Variants in KIAA1217 observed in about 807,000 individuals in gnomAD.
KIAA1217 encodes sickle tail protein homolog.
In KIAA1217, 88 loss-of-function variants were observed where a neutral mutation model predicts 163.9. The observed-to-expected ratio is 0.54, with a 90% CI of 0.45 to 0.64. The LOEUF (loss-of-function observed/expected upper bound fraction) is 0.64. KIAA1217 is among the 30% of genes least tolerant of loss of function. KIAA1217 has a pLI of 0.00. For synonymous variants in KIAA1217, 903 were observed against 923.1 expected, an observed-to-expected ratio of 0.98 and a Z score of 0.39; for missense variants, 2,372 against 2,475.0, an observed-to-expected ratio of 0.96 and a Z score of 0.88.
chr10:23,962,609 T>C (rs1268326112), intron 1 of KIAA1217, among the ~76,000 whole-genome samples: 1 of 152,164 alleles, frequency 6.6e-6, no homozygotes, highest in Non-Finnish European at 1.5e-5. Context: ...CTTAGAAAAC[T>C]AGTGACAGAT....
chr10:24,134,239 A>G (rs143565109), intron 2 of KIAA1217, among the ~76,000 whole-genome samples: 7 of 152,290 alleles, frequency 4.6e-5, no homozygotes, highest in African/African-American at 1.2e-4. Context: ...GAGGTGGCTG[A>G]TGGTGCATTG....
rs538856229 is a variant in KIAA1217, at chr10:24,260,969, T to C, written c.354+41060T>C. 1.2e-3 allele frequency among the ~76,000 whole-genome samples: 185 copies of C among 152,306 alleles called. 1 individual carries two copies. Among genetic ancestry groups the C allele is most frequent in the South Asian group, 3.3e-3 (16 of 4,830 alleles). On this transcript the variant is annotated intron_variant, in intron 2 of 20. Coordinates refer to ENST00000376454, the MANE Select transcript of KIAA1217 (RefSeq NM_019590.5). ...TGACATAATAATGGGTTCACAGTAT[T>C]GGAAGGGGGAGGACAAAATGCCTGT...
chr10:23,953,347 C>T (rs984450628), intron 1 of KIAA1217, among the ~76,000 whole-genome samples: 39 of 152,164 alleles, frequency 2.6e-4, no homozygotes, highest in African/African-American at 9.2e-4. Context: ...CTCAGGAATC[C>T]AGGGTCCTTT....
chr10:23,747,324 A>G (rs553447780), intron 1 of KIAA1217, among the ~76,000 whole-genome samples: 78 of 152,302 alleles, frequency 5.1e-4, no homozygotes, highest in African/African-American at 1.7e-3. Flanking sequence ...CAGACTTTGG[A>G]TGAAGATGGA....
chr10:24,025,745 T>A (rs895747982), intron 2 of KIAA1217, among the ~76,000 whole-genome samples: 30 of 151,960 alleles, frequency 2.0e-4, no homozygotes, highest in South Asian at 4.1e-4. Flanking sequence ...TAAACTTATC[T>A]CTAAGTATTT....
intron 2 of KIAA1217, among the ~76,000 whole-genome samples, chr10:24,114,643 G>A (rs542522155): frequency 6.6e-6 from 1 of 152,162 alleles, no homozygotes; most frequent in South Asian, 2.1e-4. Flanking sequence ...ATTAACAAGT[G>A]AACATTCTCA....
intron 2 of KIAA1217, among the ~76,000 whole-genome samples, chr10:24,048,458 C>T (rs1849209390): frequency 6.6e-6 from 1 of 152,158 alleles, no homozygotes; most frequent in African/African-American, 2.4e-5. Flanking sequence ...AGGTTGGGCA[C>T]GGTGGCTCAC....
intron 2 of KIAA1217, among the ~76,000 whole-genome samples, chr10:24,072,243 G>A (rs747813449): frequency 2.0e-5 from 3 of 151,864 alleles, no homozygotes; most frequent in Non-Finnish European, 2.9e-5. Flanking sequence ...GCCCAGGCTA[G>A]CCCCAAACTC....
chr10:24,527,448 G>A (rs1340315347), intron 13 of KIAA1217, among the ~76,000 whole-genome samples: 2 of 149,328 alleles, frequency 1.3e-5, no homozygotes, highest in Non-Finnish European at 3.0e-5. Context: ...GATTCCTTGA[G>A]GCAGGTTGTT....
chr10:23,922,276 A>C (rs1479924456), intron 1 of KIAA1217, among the ~76,000 whole-genome samples: 1 of 152,204 alleles, frequency 6.6e-6, no homozygotes, highest in Non-Finnish European at 1.5e-5. Flanking sequence ...AAATCTCTGC[A>C]CCAGCTCTCA....
chr10:24,542,790 G>A lies in KIAA1217; in HGVS notation c.3612+20G>A. 1 of 1,613,178 alleles carries A rather than the reference G, an allele frequency of 6.2e-7. No homozygotes were observed. Among genetic ancestry groups the A allele is most frequent in the Non-Finnish European group, 8.5e-7 (1 of 1,179,212 alleles). Reference sequence around the variant, plus strand: ...CAAAAGGTGAGTTCACCAGATCTGGGTTCCGACCAATACCATGCACATTAA... The same window carrying A: ...CAAAAGGTGAGTTCACCAGATCTGGATTCCGACCAATACCATGCACATTAA... On this transcript the variant is annotated intron_variant, in intron 18 of 20. Coordinates refer to ENST00000376454, the MANE Select transcript of KIAA1217 (RefSeq NM_019590.5).
intron 1 of KIAA1217, among the ~76,000 whole-genome samples, chr10:23,732,859 T>A (rs1455693923): frequency 1.3e-5 from 2 of 152,160 alleles, no homozygotes; most frequent in Non-Finnish European, 2.9e-5. Flanking sequence ...AAACAAGAAC[T>A]TTAACATTGC....
chr10:24,293,941 C>T (rs1162905639), intron 2 of KIAA1217, among the ~76,000 whole-genome samples: 2 of 152,158 alleles, frequency 1.3e-5, no homozygotes, highest in African/African-American at 4.8e-5. Flanking sequence ...CGCCTGGAAT[C>T]CCAGCACTTT....
intron 1 of KIAA1217, among the ~76,000 whole-genome samples, chr10:23,940,460 CAAA>C (rs760090400): frequency 2.2e-5 from 1 of 46,028 alleles, no homozygotes; most frequent in Non-Finnish European, 4.8e-5. Context: ...GACTCCGTCT[CAAA>C]AAAAAAAAAA....
rs773805588 is a variant in KIAA1217, at chr10:24,473,304, A to G, written c.923A>G (p.His308Arg). ...PRPGSTAHPP[H>R]AIPNSPPSTP... The stretch of plus-strand genomic sequence containing the variant: ...CCCGGATCTACTGCTCATCCACCCC[A>G]TGCGATTCCAAATTCCCCACCGTCT... The change falls in exon 6 of 21, where the codon CAT becomes CGT. Residue 308 changes from histidine to arginine, a missense_variant. His to Arg is a conservative substitution (Grantham distance 29, BLOSUM62 0). Coordinates refer to ENST00000376454, the MANE Select transcript of KIAA1217 (RefSeq NM_019590.5). The G allele has an allele frequency of 1.1e-5, 17 of 1,555,240 alleles. No homozygotes were observed. The South Asian group carries it at 2.0e-4, about 18-fold the overall frequency.
At chr10:23,832,765 G>T (rs1838271319) in intron 1 of KIAA1217, among the ~76,000 whole-genome samples, 1 of 152,076 alleles carries the variant, frequency 6.6e-6, no homozygotes, top group Non-Finnish European at 1.5e-5. Flanking sequence ...CCATTTTCAT[G>T]CTGCTGATAA....
At chr10:24,310,085 T>A (rs549400656) in intron 2 of KIAA1217, among the ~76,000 whole-genome samples, 1 of 152,354 alleles carries the variant, frequency 6.6e-6, no homozygotes, top group East Asian at 1.9e-4. Context: ...TCTGCTTTTT[T>A]TCTTGACTCC....
At chr10:24,435,885 G>A (rs113857701) in intron 4 of KIAA1217, among the ~76,000 whole-genome samples, 28 of 151,094 alleles carry the variant, frequency 1.9e-4, no homozygotes, top group Middle Eastern at 3.4e-3. Context: ...TTTTGAGACA[G>A]AATTTCACTC....
intron 2 of KIAA1217, among the ~76,000 whole-genome samples, chr10:24,113,965 G>A (rs2062953962): frequency 6.6e-6 from 1 of 152,180 alleles, no homozygotes; most frequent in Non-Finnish European, 1.5e-5. Context: ...TTCTAATCAT[G>A]GGAGTCCTGT....
Sources: allele counts gnomAD v4.1 joint callset (sites outside exome capture counted in the v4.1 genomes callset), GRCh38; gene constraint gnomAD v4.1.1; transcripts MANE v1.5; gene names NCBI Gene and HGNC (gene_info 2026-07-23, HGNC 2026-07-21).